BCLAF1: variants seen among roughly 807,000 people sequenced by gnomAD.
BCLAF1 encodes the protein BCL2 associated transcription factor 1.
A neutral mutation model predicts 99.5 loss-of-function variants in BCLAF1; 10 were observed. The observed-to-expected ratio is 0.10, with a 90% confidence interval of 0.06 to 0.17. BCLAF1 has a LOEUF of 0.17. Ranked by LOEUF, BCLAF1 falls within the 10% of genes least tolerant of loss-of-function variation. The pLI is 1.00. For missense variants in BCLAF1, 636 were observed against 1,105.8 expected, an observed-to-expected ratio of 0.58 and a Z score of 6.02; for synonymous variants, 255 against 370.9, an observed-to-expected ratio of 0.69 and a Z score of 3.59.
intron 2 of BCLAF1, 104 bp downstream of exon 2, chr6:136,282,480 C>T (rs1326390440): frequency 2.0e-5 from 3 of 152,070 alleles, no homozygotes; most frequent in African/African-American, 7.2e-5. Flanking sequence ...AACAAAGCTT[C>T]GGACCACATC....
intron 11 of BCLAF1, among the ~76,000 whole-genome samples, chr6:136,264,910 G>C (rs1408228091): frequency 3.3e-5 from 5 of 152,080 alleles, no homozygotes; most frequent in Non-Finnish European, 7.4e-5. Flanking sequence ...ACTTATAAGT[G>C]GCTAAATTCT....
At chr6:136,282,515 A>T (rs1412876268) in intron 2 of BCLAF1, 69 bp downstream of exon 2, 1 of 151,228 alleles carries the variant, frequency 6.6e-6, no homozygotes, top group African/African-American at 2.4e-5. Context: ...CATCTGAATC[A>T]TCAATTCAGT....
chr6:136,267,646 A>G lies in BCLAF1; in HGVS notation c.2398-471T>C, dbSNP rs1261794851. ...TGAAATTAAACAGGCAAGAAGATGC[A>G]CTACCATGGAAGTCATTATATTAAT... On this transcript the variant is annotated intron_variant, in intron 10 of 12. Transcript: ENST00000531224. Among the ~76,000 whole-genome samples the G allele has an allele frequency of 2.6e-5, 4 of 151,322 alleles. No individual in the cohort carries two copies. In the East Asian group the frequency reaches 7.8e-4, roughly 29 times the overall value.
At chr6:136,273,937 T>TCAA (rs1782905275) in intron 6 of BCLAF1, 1 of 1,160,248 alleles carries the variant, frequency 8.6e-7, no homozygotes, top group South Asian at 1.7e-5. Context: ...GCTTAACAGG[T>TCAA]CAACATACAT....
intron 1 of BCLAF1, among the ~76,000 whole-genome samples, chr6:136,287,857 C>T (rs1054812362): frequency 6.6e-6 from 1 of 152,136 alleles, no homozygotes; most frequent in Non-Finnish European, 1.5e-5. Flanking sequence ...TCCGTCTCTA[C>T]TAAAAATACA....
intron 10 of BCLAF1, among the ~76,000 whole-genome samples, chr6:136,267,794 T>C (rs908581770): frequency 2.6e-5 from 4 of 151,990 alleles, no homozygotes; most frequent in African/African-American, 9.7e-5. Context: ...TGAATGTAAC[T>C]GTAATACAGA....
At chr6:136,273,372 A>C (rs546587507) in intron 6 of BCLAF1, 185 bp from the exon 7 acceptor site, 12 of 543,970 alleles carry the variant, frequency 2.2e-5, no homozygotes, top group Non-Finnish European at 3.2e-5. Flanking sequence ...GAGTGTTTCG[A>C]AAGTTGCTCA....
At chr6:136,272,597 C>T (rs797558) in intron 7 of BCLAF1, among the ~76,000 whole-genome samples, 1 of 151,694 alleles carries the variant, frequency 6.6e-6, no homozygotes, top group African/African-American at 2.4e-5. Flanking sequence ...TCACTGCCAC[C>T]CTGCAAAACT....
intron 11 of BCLAF1, among the ~76,000 whole-genome samples, chr6:136,265,775 G>C (rs1460814780): frequency 2.0e-5 from 3 of 152,116 alleles, no homozygotes; most frequent in African/African-American, 7.2e-5. Context: ...TTCTTCTTTG[G>C]GAAAAGTGAA....
chr6:136,287,491 C>T (rs923242648), intron 1 of BCLAF1, among the ~76,000 whole-genome samples: 6 of 152,110 alleles, frequency 3.9e-5, no homozygotes, highest in African/African-American at 1.4e-4. Context: ...TTAACAAATT[C>T]ATATCAAACA....
At position 136,259,766 on chromosome 6, in the gene BCLAF1, G is replaced by A. The variant is rs1583991284; in HGVS notation, c.*1344C>T. 1 of 151,980 alleles carries A rather than the reference G, an allele frequency of 6.6e-6. No homozygotes were observed. Among genetic ancestry groups the A allele is most frequent in the South Asian group, 2.1e-4 (1 of 4,830 alleles). The allele number at this position is 151,980 out of a possible 1,614,324, so 9.4% of individuals were successfully genotyped here. On this transcript the variant is annotated 3_prime_UTR_variant, in exon 13 of 13. Coordinates refer to ENST00000531224, the MANE Select transcript of BCLAF1 (RefSeq NM_014739.3). ...AGATCTTCAAAAGTTTACATTAACA[G>A]AATAAGCATTAGCTCCTTTTAACAC...
chr6:136,275,721 C>T lies in BCLAF1; in HGVS notation c.1683-20G>A, dbSNP rs753568534. The T allele has an allele frequency of 1.9e-6, 3 of 1,568,456 alleles. No individual in the cohort carries two copies. Among genetic ancestry groups the T allele is most frequent in the Admixed American group, 3.8e-5 (2 of 52,258 alleles). On this transcript the variant is annotated intron_variant, in intron 5 of 12. Coordinates refer to ENST00000531224, the MANE Select transcript of BCLAF1 (RefSeq NM_014739.3). Reference sequence around the variant, plus strand: ...GCAGGTCTGGAACATATTGATAACACACACACACACAAAATATACCATTGG... The same window carrying T: ...GCAGGTCTGGAACATATTGATAACATACACACACACAAAATATACCATTGG...
At chr6:136,267,283 T>C (rs1781839287) in intron 10 of BCLAF1, 108 bp from the exon 11 acceptor site, 5 of 1,262,548 alleles carry the variant, frequency 4.0e-6, no homozygotes, top group Admixed American at 2.4e-5. Context: ...TAATTTCCTA[T>C]CTAAATCTCA....
intron 7 of BCLAF1, among the ~76,000 whole-genome samples, 155 bp downstream of exon 7, chr6:136,272,927 A>T (rs927446947): frequency 6.6e-6 from 1 of 152,024 alleles, no homozygotes; most frequent in Non-Finnish European, 1.5e-5. Context: ...CAAGAATTAT[A>T]GAATTTTCAA....
chr6:136,266,783 G>GT (rs1781774223), intron 11 of BCLAF1, among the ~76,000 whole-genome samples: 1 of 152,018 alleles, frequency 6.6e-6, no homozygotes, highest in East Asian at 1.9e-4. Flanking sequence ...CTGAATGTGG[G>GT]TAACAAATCA....
At chr6:136,282,963 A>C (rs1424654730) in intron 1 of BCLAF1, among the ~76,000 whole-genome samples, 1 of 151,884 alleles carries the variant, frequency 6.6e-6, no homozygotes, top group Non-Finnish European at 1.5e-5. Flanking sequence ...AAAACATATG[A>C]TATGTCGTTC....
intron 6 of BCLAF1, chr6:136,273,423 A>G (rs886888439): frequency 2.4e-6 from 1 of 419,404 alleles, no homozygotes; most frequent in African/African-American, 2.0e-5. Context: ...AGAGCAATTA[A>G]TAGATTAAAT....
chr6:136,267,202 G>A (rs1781829129), intron 10 of BCLAF1, 27 bp from the exon 11 acceptor site: 2 of 1,606,866 alleles, frequency 1.2e-6, no homozygotes, highest in African/African-American at 2.7e-5. Context: ...AAGTTGTTTA[G>A]TGATGCAATC....
chr6:136,258,794 T>C lies in BCLAF1; in HGVS notation c.*2316A>G, dbSNP rs1389870545. On this transcript the variant is annotated 3_prime_UTR_variant, in exon 13 of 13. Transcript: ENST00000531224. ...TGAAGAAGACTAACTGGAAAAAACA[T>C]TTTGCTTTTAGTATAAAAATTCCTA... is the stretch of plus-strand genomic sequence containing the variant. 2.0e-5 allele frequency: 3 copies of C among 152,472 alleles called. No homozygotes were observed. Among genetic ancestry groups the C allele is most frequent in the Non-Finnish European group, 2.9e-5 (2 of 67,912 alleles). 9.4% of individuals were successfully genotyped at this position (152,472 alleles called of 1,614,324 possible). A position where few individuals can be genotyped will look rare whatever the true frequency, so the allele number is the denominator to read the frequency against.
Sources: gnomAD v4.1 joint callset for allele counts (sites outside exome capture counted in the v4.1 genomes callset) on GRCh38, gnomAD v4.1.1 for gene constraint, MANE v1.5 for transcripts, NCBI Gene and HGNC (gene_info 2026-07-23, HGNC 2026-07-21) for gene names.